The following CDH10 variants were observed in gnomAD, a reference collection of about 807,000 sequenced individuals.
The protein encoded by CDH10 is cadherin 10, also known as cadherin-10.
CDH10 carries 30 observed loss-of-function variants against 73.1 expected under a neutral mutation model. The ratio of observed to expected loss-of-function variants is 0.41; its 90% CI spans 0.31 to 0.56. The LOEUF (loss-of-function observed/expected upper bound fraction) is 0.56, where lower values mean the gene tolerates loss of function less well. Ranked by LOEUF, CDH10 falls within the 20% of genes least tolerant of loss-of-function variation. The pLI is 0.27. For synonymous variants in CDH10, 345 were observed against 348.2 expected (o/e 0.99, Z 0.10); for missense variants, 815 against 973.7 (o/e 0.84, Z 2.17).
At chr5:24,559,690 C>T (rs908456380) in intron 2 of CDH10, among the ~76,000 whole-genome samples, 5 of 151,942 alleles carry the variant, frequency 3.3e-5, no homozygotes, top group African/African-American at 1.2e-4. Flanking sequence ...AACAATAATT[C>T]ATAAGTTTTT....
chr5:24,620,040 G>A (rs1747258507), intron 1 of CDH10, among the ~76,000 whole-genome samples: 1 of 152,166 alleles, frequency 6.6e-6, no homozygotes, highest in Non-Finnish European at 1.5e-5. Flanking sequence ...CCTTGTAGCA[G>A]TAAAATAAAT....
intron 2 of CDH10, among the ~76,000 whole-genome samples, chr5:24,573,883 T>C (rs1460084666): frequency 6.7e-6 from 1 of 148,486 alleles, no homozygotes; most frequent in African/African-American, 2.5e-5. Flanking sequence ...TCATATTATA[T>C]AAAAAATATA....
intron 7 of CDH10, among the ~76,000 whole-genome samples, chr5:24,507,292 T>A (rs575741210): frequency 6.6e-6 from 1 of 151,760 alleles, no homozygotes; most frequent in Non-Finnish European, 1.5e-5. Flanking sequence ...ATACAGCAAC[T>A]TAATGGCATA....
chr5:24,620,235 G>A lies in CDH10; in HGVS notation c.-124+24359C>T, dbSNP rs116023345. ...TAAAGTCAACAACTTGTTTTCTGAC[G>A]TCCTTTTGTGAGCTCAAAATGCAGT... On this transcript the variant is annotated intron_variant, in intron 1 of 11. Transcript: ENST00000264463. 1.0e-2 allele frequency among the ~76,000 whole-genome samples: 1,516 copies of A among 151,954 alleles called. 18 individuals carry two copies. The highest frequency in any genetic ancestry group is 0.035 in the African/African-American group (1,459 of 41,432).
chr5:24,617,960 C>T (rs1747179327), intron 1 of CDH10, among the ~76,000 whole-genome samples: 1 of 152,144 alleles, frequency 6.6e-6, no homozygotes, highest in Non-Finnish European at 1.5e-5. Context: ...CTCTATTTTA[C>T]ATATCAGTGT....
intron 1 of CDH10, among the ~76,000 whole-genome samples, chr5:24,608,456 C>G (rs1455842462): frequency 1.3e-5 from 2 of 151,968 alleles, no homozygotes; most frequent in Non-Finnish European, 2.9e-5. Context: ...CCACGCCCAG[C>G]TAATTTTTGT....
chr5:24,505,068 T>G (rs377199667), intron 8 of CDH10, 44 bp downstream of exon 8: 180 of 1,298,766 alleles, frequency 1.4e-4, no homozygotes, highest in South Asian at 4.8e-4. Flanking sequence ...TATATAAACA[T>G]AAACATATCT....
rs1692791659 is a variant in CDH10, at chr5:24,487,839, C to G, written c.2191G>C (p.Asp731His). 1.9e-6 allele frequency: 3 copies of G among 1,613,720 alleles called. No individual in the cohort carries two copies. Among genetic ancestry groups the G allele is most frequent in the Non-Finnish European group, 1.7e-6 (2 of 1,179,890 alleles). The change falls in exon 12 of 12, where the codon GAC becomes CAC. Residue 731 changes from aspartate to histidine, a missense_variant. This residue lies in a region of CDH10 where 241 missense variants were observed against 240.3 expected (regional missense o/e 1.00). Coordinates refer to ENST00000264463, the MANE Select transcript of CDH10 (RefSeq NM_006727.5). The stretch of plus-strand genomic sequence containing the variant: ...TCATAGGCATAGGTTGCAAGTGAGT[C>G]GTAGGGGGGTGCGGTGGGGTCAAGA... The part of the protein sequence containing the change: ...HDLDPTAPPY[D>H]SLATYAYEGN...
chr5:24,610,931 A>G (rs148372300), intron 1 of CDH10, among the ~76,000 whole-genome samples: 31 of 152,354 alleles, frequency 2.0e-4, no homozygotes, highest in African/African-American at 7.5e-4. Context: ...ATCAGTATTT[A>G]GTAAAAGAAA....
intron 2 of CDH10, among the ~76,000 whole-genome samples, chr5:24,538,015 C>T: frequency 6.6e-6 from 1 of 151,944 alleles, no homozygotes; most frequent in East Asian, 1.9e-4. Context: ...AAACATTGCT[C>T]TCTCATCTCT....
At chr5:24,570,368 G>A (rs556995135) in intron 2 of CDH10, among the ~76,000 whole-genome samples, 37 of 152,200 alleles carry the variant, frequency 2.4e-4, no homozygotes, top group Non-Finnish European at 4.0e-4. Context: ...TTTCAAGGAT[G>A]CTTCACAGAG....
intron 2 of CDH10, among the ~76,000 whole-genome samples, chr5:24,584,261 T>C (rs1243372897): frequency 1.3e-5 from 2 of 152,100 alleles, no homozygotes; most frequent in Non-Finnish European, 2.9e-5. Context: ...AATATTTTCT[T>C]CCAGAAGAAC....
intron 3 of CDH10, among the ~76,000 whole-genome samples, chr5:24,537,150 T>C (rs991532629): frequency 2.6e-5 from 4 of 152,010 alleles, no homozygotes; most frequent in Non-Finnish European, 4.4e-5. Context: ...TCTTGATTTT[T>C]GAGGAGAGTG....
At chr5:24,602,005 G>T (rs1352723143) in intron 1 of CDH10, among the ~76,000 whole-genome samples, 1 of 152,014 alleles carries the variant, frequency 6.6e-6, no homozygotes, top group Admixed American at 6.6e-5. Flanking sequence ...TTTGGTTTTT[G>T]TGTATGTATG....
At chr5:24,580,173 G>C (rs755865152) in intron 2 of CDH10, among the ~76,000 whole-genome samples, 2 of 152,064 alleles carry the variant, frequency 1.3e-5, no homozygotes, top group Non-Finnish European at 2.9e-5. Context: ...TAAGTTCAGA[G>C]GTACCTGTGC....
intron 2 of CDH10, among the ~76,000 whole-genome samples, chr5:24,570,198 T>C (rs1466655797): frequency 6.6e-6 from 1 of 152,194 alleles, no homozygotes; most frequent in Admixed American, 6.5e-5. Context: ...CAATAAAGTA[T>C]TTCTATTCAA....
intron 9 of CDH10, among the ~76,000 whole-genome samples, chr5:24,495,286 T>C (rs146036693): frequency 3.2e-4 from 48 of 152,272 alleles, no homozygotes; most frequent in African/African-American, 1.0e-3. Flanking sequence ...ATTTTGAGCA[T>C]TTGAAGAAAA....
At chr5:24,569,023 T>C (rs555563879) in intron 2 of CDH10, among the ~76,000 whole-genome samples, 36 of 151,550 alleles carry the variant, frequency 2.4e-4, no homozygotes, top group Middle Eastern at 6.8e-3. Flanking sequence ...GGCAGGAGAA[T>C]GGCATGAACA....
At chr5:24,515,342 T>A (rs570345300) in intron 5 of CDH10, among the ~76,000 whole-genome samples, 260 of 152,260 alleles carry the variant, frequency 1.7e-3, no homozygotes, top group African/African-American at 6.1e-3. Context: ...TCCAGTCTTA[T>A]GCAAAGTGTT....
Sources: gnomAD v4.1 joint callset for allele counts (sites outside exome capture counted in the v4.1 genomes callset) on GRCh38, gnomAD v4.1.1 for gene constraint, gnomAD v4.1.1 regional missense constraint, MANE v1.5 for transcripts, NCBI Gene and HGNC (gene_info 2026-07-23, HGNC 2026-07-21) for gene names.